Variants in GNAL observed in about 807,000 individuals in gnomAD.
GNAL encodes G protein subunit alpha L.
In GNAL, 18 loss-of-function variants were observed where a neutral mutation model predicts 55.1. The observed-to-expected ratio is 0.33, with a 90% confidence interval of 0.23 to 0.48. The LOEUF is 0.48. Ranked by LOEUF, GNAL falls within the 20% of genes least tolerant of loss-of-function variation. GNAL has a pLI of 0.99. For missense variants in GNAL, 412 were observed against 614.1 expected, an observed-to-expected ratio of 0.67 and a Z score of 3.48; for synonymous variants, 253 against 237.0, an observed-to-expected ratio of 1.07 and a Z score of -0.62.
chr18:11,774,972 A>C (rs1315237732), intron 4 of GNAL, among the ~76,000 whole-genome samples: 1 of 152,196 alleles, frequency 6.6e-6, no homozygotes, highest in East Asian at 1.9e-4. Flanking sequence ...CACACAGCAC[A>C]GGCCATCTTT....
chr18:11,715,322 G>T (rs561456911), intron 1 of GNAL, among the ~76,000 whole-genome samples: 1 of 151,492 alleles, frequency 6.6e-6, no homozygotes, highest in Non-Finnish European at 1.5e-5. Flanking sequence ...TTAGCCAGGC[G>T]TGGTGGTGGG....
intron 5 of GNAL, among the ~76,000 whole-genome samples, chr18:11,846,364 T>C (rs981903329): frequency 1.9e-4 from 28 of 151,072 alleles, no homozygotes; most frequent in Admixed American, 5.3e-4. Flanking sequence ...GTTCTATTTC[T>C]TTCTCTTTCT....
chr18:11,807,055 A>T (rs1455481698), intron 4 of GNAL, among the ~76,000 whole-genome samples: 1 of 151,994 alleles, frequency 6.6e-6, no homozygotes, highest in Non-Finnish European at 1.5e-5. Context: ...GCTACTGGGG[A>T]GGCTGAGGCA....
intron 4 of GNAL, among the ~76,000 whole-genome samples, chr18:11,807,529 GA>G (rs1450126565): frequency 2.6e-5 from 4 of 152,262 alleles, no homozygotes; most frequent in African/African-American, 7.2e-5. Context: ...GCCGTGGGGG[GA>G]AACCGCAGGT....
chr18:11,796,596 C>CAAAAA (rs1334256873), intron 4 of GNAL, among the ~76,000 whole-genome samples: 6 of 129,154 alleles, frequency 4.6e-5, no homozygotes, highest in East Asian at 2.3e-4. Context: ...AAAAAAAAAA[C>CAAAAA]AAAACACGCA....
intron 4 of GNAL, among the ~76,000 whole-genome samples, chr18:11,769,044 T>G (rs190007194): frequency 0.01 from 890 of 87,924 alleles, 238 homozygotes; most frequent in African/African-American, 0.097. Flanking sequence ...ATATAATATA[T>G]AATATATATA....
At chr18:11,729,264 C>T (rs981290375) in intron 1 of GNAL, among the ~76,000 whole-genome samples, 3 of 152,102 alleles carry the variant, frequency 2.0e-5, no homozygotes, top group Admixed American at 1.3e-4. Flanking sequence ...TGCTTCCTGC[C>T]TATGGAGCAG....
intron 5 of GNAL, among the ~76,000 whole-genome samples, chr18:11,828,429 T>C (rs548459055): frequency 5.3e-5 from 8 of 152,268 alleles, no homozygotes; most frequent in East Asian, 3.9e-4. Flanking sequence ...AATAGAATTA[T>C]GTTAAACTCA....
intron 4 of GNAL, among the ~76,000 whole-genome samples, chr18:11,789,969 A>G (rs2034182566): frequency 6.6e-6 from 1 of 152,254 alleles, no homozygotes. Flanking sequence ...AAACACAGGA[A>G]TAGTTGAAGA....
chr18:11,783,517 T>C (rs1444185023), intron 4 of GNAL, among the ~76,000 whole-genome samples: 1 of 152,230 alleles, frequency 6.6e-6, no homozygotes, highest in East Asian at 1.9e-4. Flanking sequence ...ATGGCATCAC[T>C]ACACTTAACT....
intron 4 of GNAL, among the ~76,000 whole-genome samples, chr18:11,758,140 G>T (rs572142385): frequency 1.3e-5 from 2 of 152,144 alleles, no homozygotes; most frequent in African/African-American, 4.8e-5. Flanking sequence ...CAGGAGTCCA[G>T]TCCTCGAGAA....
chr18:11,690,042 GCGGGAGGGGCTC>G, intron 1 of GNAL, 103 bp downstream of exon 1: 1 of 595,592 alleles, frequency 1.7e-6, no homozygotes, highest in African/African-American at 2.0e-5. Context: ...GGGAGCGGCG[GCGGGAGGGGCTC>G]CTGAATCCCG....
chr18:11,838,802 G>A (rs1020962219), intron 5 of GNAL, among the ~76,000 whole-genome samples: 12 of 152,074 alleles, frequency 7.9e-5, no homozygotes, highest in Non-Finnish European at 1.3e-4. Context: ...AGAGAAAGGC[G>A]GAAGAAATGA....
At chr18:11,859,412 C>A (rs2036080196) in intron 5 of GNAL, among the ~76,000 whole-genome samples, 1 of 152,200 alleles carries the variant, frequency 6.6e-6, no homozygotes. Flanking sequence ...TGTGTCCTTC[C>A]ACCACGCTCT....
intron 1 of GNAL, among the ~76,000 whole-genome samples, chr18:11,696,227 G>T (rs1030015835): frequency 2.0e-5 from 3 of 152,102 alleles, no homozygotes; most frequent in African/African-American, 7.2e-5. Context: ...TCCTGGCCGA[G>T]CGCGGTGGCT....
chr18:11,815,557 A>G (rs999004392), intron 4 of GNAL, among the ~76,000 whole-genome samples: 1 of 152,176 alleles, frequency 6.6e-6, no homozygotes, highest in Non-Finnish European at 1.5e-5. Flanking sequence ...CCGAGGGGGA[A>G]GTCTGCCTCC....
At chr18:11,841,658 A>AG (rs2035617089) in intron 5 of GNAL, among the ~76,000 whole-genome samples, 3 of 151,650 alleles carry the variant, frequency 2.0e-5, no homozygotes, top group African/African-American at 7.3e-5. Context: ...AAAAAAAAAA[A>AG]AAAAGAAAGA....
At chr18:11,818,744 G>T (rs779575390) in intron 4 of GNAL, among the ~76,000 whole-genome samples, 23 of 152,196 alleles carry the variant, frequency 1.5e-4, no homozygotes, top group Non-Finnish European at 2.9e-4. Flanking sequence ...TTCACACAGT[G>T]AACTCAGTGA....
chr18:11,824,307 T>C (rs1320929520), intron 4 of GNAL, among the ~76,000 whole-genome samples: 1 of 152,124 alleles, frequency 6.6e-6, no homozygotes, highest in African/African-American at 2.4e-5. Flanking sequence ...CTAAATACTT[T>C]AGAATTATGC....
Sources: gnomAD v4.1 joint callset for allele counts (sites outside exome capture counted in the v4.1 genomes callset) on GRCh38, gnomAD v4.1.1 for gene constraint, MANE v1.5 for transcripts, NCBI Gene and HGNC (gene_info 2026-07-23, HGNC 2026-07-21) for gene names.